The following ZSWIM6 variants were observed in gnomAD, a reference collection of about 807,000 sequenced individuals.
ZSWIM6 encodes the protein zinc finger SWIM domain-containing protein 6.
A neutral mutation model predicts 113.2 loss-of-function variants in ZSWIM6; 9 were observed. The ratio of observed to expected loss-of-function variants is 0.08; its 90% CI spans 0.05 to 0.14. ZSWIM6 has a LOEUF of 0.14. ZSWIM6 is among the 10% of genes least tolerant of loss of function. The pLI is 1.00. For missense variants in ZSWIM6, 1,162 were observed against 1,552.2 expected, an observed-to-expected ratio of 0.75 and a Z score of 4.22; for synonymous variants, 611 against 606.5, an observed-to-expected ratio of 1.01 and a Z score of -0.11.
At chr5:61,396,692 G>A (rs572957305) in intron 1 of ZSWIM6, among the ~76,000 whole-genome samples, 13 of 151,860 alleles carry the variant, frequency 8.6e-5, no homozygotes, top group East Asian at 1.9e-4. Context: ...ATATTGGCCT[G>A]GTTTAAATAG....
At chr5:61,372,515 T>C (rs930493643) in intron 1 of ZSWIM6, among the ~76,000 whole-genome samples, 2 of 152,200 alleles carry the variant, frequency 1.3e-5, no homozygotes, top group Admixed American at 6.5e-5. Context: ...TACTGGACTT[T>C]GGTAAATCAA....
chr5:61,496,922 C>G (rs898755945), intron 4 of ZSWIM6, among the ~76,000 whole-genome samples: 26 of 152,166 alleles, frequency 1.7e-4, no homozygotes, highest in African/African-American at 6.0e-4. Context: ...TCATGTGCCA[C>G]GAATGAATCA....
chr5:61,377,252 A>G (rs1258973350), intron 1 of ZSWIM6, among the ~76,000 whole-genome samples: 7 of 152,174 alleles, frequency 4.6e-5, no homozygotes, highest in Non-Finnish European at 7.3e-5. Context: ...AGTTGGATCT[A>G]TAATTTATAC....
chr5:61,405,049 AG>A (rs1259421767), intron 1 of ZSWIM6, among the ~76,000 whole-genome samples: 2 of 152,242 alleles, frequency 1.3e-5, no homozygotes, highest in African/African-American at 4.8e-5. Flanking sequence ...ATAAATACGA[AG>A]GGTTTCCGAA....
intron 1 of ZSWIM6, among the ~76,000 whole-genome samples, chr5:61,358,670 A>G (rs1034169087): frequency 3.9e-5 from 6 of 152,368 alleles, no homozygotes; most frequent in Admixed American, 2.6e-4. Context: ...TTTACTTGAG[A>G]GCTTTTACCA....
Position 61,543,489 on chromosome 5 carries a change from G to C in ZSWIM6, c.2820G>C (p.Trp940Cys). ...VYALDSIMQT[W>C]FTLFTPTEAT... ...CCCTGGACAGCATCATGCAGACCTG[G>C]TTTACACTCTTTACTCCCACCGAGG... Residue 940 changes from tryptophan to cysteine, a missense_variant, in exon 14 of 14, where the codon TGG becomes TGC. Trp to Cys is a radical substitution (Grantham distance 215). Transcript: ENST00000252744. The surrounding 1 kb of genome is among the most constrained non-coding windows in gnomAD (Gnocchi z 4.3). 1.3e-6 allele frequency: 2 copies of C among 1,550,944 alleles called. No homozygotes were observed. Among genetic ancestry groups the C allele is most frequent in the Non-Finnish European group, 1.7e-6 (2 of 1,146,894 alleles).
chr5:61,347,361 C>A, intron 1 of ZSWIM6: 1 of 175,550 alleles, frequency 5.7e-6, no homozygotes, highest in East Asian at 1.5e-4. Context: ...GCAGGCTGGC[C>A]ACCAGGTGTC....
intron 4 of ZSWIM6, among the ~76,000 whole-genome samples, chr5:61,499,012 C>A (rs1196574465): frequency 6.6e-6 from 1 of 152,072 alleles, no homozygotes; most frequent in African/African-American, 2.4e-5. Flanking sequence ...CTCAAGCTTG[C>A]CACATTTTAT....
At chr5:61,432,864 A>C (rs903195658) in intron 1 of ZSWIM6, among the ~76,000 whole-genome samples, 2 of 152,188 alleles carry the variant, frequency 1.3e-5, no homozygotes, top group African/African-American at 2.4e-5. Context: ...AAAACAGTCC[A>C]CCTGTAAATA....
chr5:61,513,658 T>C (rs1221368765), intron 4 of ZSWIM6, among the ~76,000 whole-genome samples: 1 of 152,124 alleles, frequency 6.6e-6, no homozygotes, highest in Non-Finnish European at 1.5e-5. Flanking sequence ...ATAAAGTATA[T>C]AATATGGATT....
At chr5:61,493,731 A>AGGTAG (rs1748246272) in intron 3 of ZSWIM6, among the ~76,000 whole-genome samples, 1 of 152,160 alleles carries the variant, frequency 6.6e-6, no homozygotes. Flanking sequence ...TTGGTATACT[A>AGGTAG]GGTAGGTTCA....
intron 1 of ZSWIM6, among the ~76,000 whole-genome samples, chr5:61,406,458 C>G (rs1193504364): frequency 6.6e-6 from 1 of 152,052 alleles, no homozygotes; most frequent in African/African-American, 2.4e-5. Context: ...TCATTCCTCA[C>G]TCATTTTTCC....
intron 1 of ZSWIM6, among the ~76,000 whole-genome samples, chr5:61,335,252 C>T (rs1269862429): frequency 1.3e-5 from 2 of 152,222 alleles, no homozygotes. Flanking sequence ...ACCACCACTT[C>T]AGAAACACAT....
chr5:61,449,211 T>C (rs917159040), intron 1 of ZSWIM6, among the ~76,000 whole-genome samples: 4 of 152,226 alleles, frequency 2.6e-5, no homozygotes, highest in African/African-American at 9.6e-5. Context: ...TCATACTATT[T>C]CTCTGAAGCT....
intron 1 of ZSWIM6, among the ~76,000 whole-genome samples, chr5:61,400,093 G>C (rs34406265): frequency 0.016 from 2,374 of 152,228 alleles, 49 homozygotes; most frequent in South Asian, 0.045. Flanking sequence ...TCTGTGTTCA[G>C]CCTTTGCTTG....
chr5:61,341,873 C>CTTT (rs35227918), intron 1 of ZSWIM6, among the ~76,000 whole-genome samples: 204 of 94,644 alleles, frequency 2.2e-3, no homozygotes, highest in Middle Eastern at 7.9e-3. Flanking sequence ...TCTCTGTAAC[C>CTTT]TTTTTTTTTT....
intron 1 of ZSWIM6, among the ~76,000 whole-genome samples, chr5:61,384,578 T>G (rs1000159084): frequency 1.3e-5 from 2 of 152,208 alleles, no homozygotes; most frequent in African/African-American, 4.8e-5. Context: ...GCGACCAGTT[T>G]GGCTTTAGTG....
At chr5:61,390,825 G>A in intron 1 of ZSWIM6, 2 of 806,202 alleles carry the variant, frequency 2.5e-6, no homozygotes, top group African/African-American at 1.7e-5. Context: ...GGTTGGCACT[G>A]GCAAGGACTT....
At chr5:61,442,453 G>A (rs1254566603) in intron 1 of ZSWIM6, among the ~76,000 whole-genome samples, 2 of 152,118 alleles carry the variant, frequency 1.3e-5, no homozygotes, top group Non-Finnish European at 2.9e-5. Flanking sequence ...AGGAATCAAA[G>A]TTTAATCTAA....
Sources: allele counts gnomAD v4.1 joint callset (sites outside exome capture counted in the v4.1 genomes callset), GRCh38; gene constraint gnomAD v4.1.1; non-coding constraint Gnocchi (gnomAD v3.1); transcripts MANE v1.5; gene names NCBI Gene and HGNC (gene_info 2026-07-23, HGNC 2026-07-21).